Variants in TCF4 observed in about 807,000 individuals in gnomAD.
The protein encoded by TCF4 is SL3-3 enhancer factor 2.
A neutral mutation model predicts 82.1 loss-of-function variants in TCF4; 3 were observed. The observed-to-expected ratio is 0.04, with a 90% CI of 0.02 to 0.09. The LOEUF (loss-of-function observed/expected upper bound fraction) is 0.09, where lower values mean the gene tolerates loss of function less well. Among genes scored for constraint, TCF4 ranks in the 10% least tolerant of loss-of-function variants. TCF4 has a pLI of 1.00. For missense variants in TCF4, 518 were observed against 852.7 expected (o/e 0.61, Z 4.89); for synonymous variants, 276 against 309.6 (o/e 0.89, Z 1.14).
At chr18:55,296,964 C>A (rs1011533085) in intron 8 of TCF4, among the ~76,000 whole-genome samples, 1 of 152,082 alleles carries the variant, frequency 6.6e-6, no homozygotes, top group African/African-American at 2.4e-5. Context: ...ATTTTTCAAA[C>A]GTCATGGGCT....
At chr18:55,588,631 G>C, upstream of TCF4, 1 of 1,437,608 alleles carries the variant, frequency 7.0e-7, no homozygotes, top group South Asian at 1.4e-5. Context: ...TCCACACACG[G>C]CAAAGCAAGT....
intron 6 of TCF4, among the ~76,000 whole-genome samples, chr18:55,379,199 GTAGCATCT>G (rs944063351): frequency 6.6e-6 from 1 of 152,132 alleles, no homozygotes; most frequent in Non-Finnish European, 1.5e-5. Context: ...TCTTTAAAAG[GTAGCATCT>G]TAGCAGGGGT....
chr18:55,340,498 C>T (rs545229347), intron 8 of TCF4, among the ~76,000 whole-genome samples: 43 of 149,564 alleles, frequency 2.9e-4, no homozygotes, highest in African/African-American at 8.6e-4. Context: ...GTGGGAGGAC[C>T]GCTTGAGCCT....
chr18:55,413,953 G>A (rs185229357), intron 5 of TCF4, among the ~76,000 whole-genome samples: 1 of 152,288 alleles, frequency 6.6e-6, no homozygotes, highest in East Asian at 1.9e-4. Context: ...GGATGCAAGA[G>A]AGTCAACAAT....
intron 5 of TCF4, among the ~76,000 whole-genome samples, chr18:55,458,226 A>G (rs2095804646): frequency 6.6e-6 from 1 of 152,260 alleles, no homozygotes; most frequent in African/African-American, 2.4e-5. Context: ...CTGATGCTAT[A>G]GCTTTTACCC....
chr18:55,574,541 G>A (rs1184981285), intron 3 of TCF4, among the ~76,000 whole-genome samples: 2 of 152,130 alleles, frequency 1.3e-5, no homozygotes, highest in Non-Finnish European at 2.9e-5. Flanking sequence ...ATTAAATCAT[G>A]TTGGCCAGGC....
intron 9 of TCF4, among the ~76,000 whole-genome samples, chr18:55,276,064 C>G (rs1441056505): frequency 6.6e-6 from 1 of 152,112 alleles, no homozygotes. Flanking sequence ...TCTTAGAAGT[C>G]TTCTAACTGT....
intron 8 of TCF4, among the ~76,000 whole-genome samples, chr18:55,314,568 T>TAAA (rs35480166): frequency 6.9e-6 from 1 of 144,062 alleles, no homozygotes; most frequent in East Asian, 2.0e-4. Flanking sequence ...TTATTCTCCT[T>TAAA]AAAAAAAAAA....
intron 8 of TCF4, among the ~76,000 whole-genome samples, chr18:55,324,169 A>G (rs1351773863): frequency 1.3e-5 from 2 of 152,266 alleles, no homozygotes; most frequent in Non-Finnish European, 2.9e-5. Flanking sequence ...TAGAACATTA[A>G]GCTTCTGGGC....
intron 8 of TCF4, among the ~76,000 whole-genome samples, chr18:55,335,582 G>C (rs73960233): frequency 0.033 from 5,059 of 152,192 alleles, 281 homozygotes; most frequent in African/African-American, 0.12. Flanking sequence ...TACAGAACCG[G>C]TCAGCAAGTT....
In TCF4 at chr18:55,390,257, C is replaced by A. The variant is rs557645553; in HGVS notation, c.369+13197G>T. 4.2e-5 allele frequency among the ~76,000 whole-genome samples: 6 copies of A among 143,820 alleles called. No homozygotes were observed. The South Asian group carries it at 1.3e-3, about 31-fold the overall frequency. The allele number at this position is 143,820 out of a possible 152,430, so 94.4% of individuals were successfully genotyped here. Reference sequence around the variant, plus strand: ...ACTCTGGCCGGGAGTTCAAGACCAGCCTGGGCAACACAGCAGGACCCTGAC... The same window carrying A: ...ACTCTGGCCGGGAGTTCAAGACCAGACTGGGCAACACAGCAGGACCCTGAC... On this transcript the variant is annotated intron_variant, in intron 6 of 19. Coordinates refer to ENST00000354452, the MANE Select transcript of TCF4 (RefSeq NM_001083962.2).
At chr18:55,424,205 T>C (rs1727278466) in intron 5 of TCF4, among the ~76,000 whole-genome samples, 1 of 152,178 alleles carries the variant, frequency 6.6e-6, no homozygotes, top group Admixed American at 6.5e-5. Flanking sequence ...AATTAATTAA[T>C]TGGAAGTGGG....
At chr18:55,494,454 A>G (rs1000121528) in intron 3 of TCF4, among the ~76,000 whole-genome samples, 2 of 152,086 alleles carry the variant, frequency 1.3e-5, no homozygotes, top group Non-Finnish European at 2.9e-5. Flanking sequence ...AAATGGTTTC[A>G]GCCTTATTAA....
intron 3 of TCF4, among the ~76,000 whole-genome samples, chr18:55,577,193 T>C (rs1195265258): frequency 6.2e-5 from 2 of 32,448 alleles, no homozygotes; most frequent in African/African-American, 1.9e-4. Flanking sequence ...AATGTATATA[T>C]ACATTTATAT....
At chr18:55,362,438 A>AAG (rs2085706884) in intron 6 of TCF4, among the ~76,000 whole-genome samples, 1 of 124,606 alleles carries the variant, frequency 8.0e-6, no homozygotes, top group African/African-American at 3.5e-5. Flanking sequence ...AGGAAGGAAA[A>AAG]AAAAAAAGAA....
intron 3 of TCF4, among the ~76,000 whole-genome samples, chr18:55,540,670 T>C (rs1041979555): frequency 3.9e-5 from 6 of 151,998 alleles, no homozygotes; most frequent in African/African-American, 1.4e-4. Context: ...AGTTAACAAA[T>C]ATTAAGTCCC....
At chr18:55,294,442 T>C (rs1259073823) in intron 8 of TCF4, among the ~76,000 whole-genome samples, 1 of 152,110 alleles carries the variant, frequency 6.6e-6, no homozygotes, top group Non-Finnish European at 1.5e-5. Context: ...ACAGCCAAAG[T>C]AGAAGAGAAC....
chr18:55,452,449 G>A (rs2095643644), intron 5 of TCF4: 1 of 152,390 alleles, frequency 6.6e-6, no homozygotes, highest in Non-Finnish European at 1.5e-5. Context: ...CAATGGTCCA[G>A]GAGAAAGATC....
intron 3 of TCF4, among the ~76,000 whole-genome samples, chr18:55,561,282 A>G (rs2097353082): frequency 6.6e-6 from 1 of 152,194 alleles, no homozygotes; most frequent in African/African-American, 2.4e-5. Context: ...AGAACTTATC[A>G]TACAATAGGA....
Sources: gnomAD v4.1 joint callset for allele counts (sites outside exome capture counted in the v4.1 genomes callset) on GRCh38, gnomAD v4.1.1 for gene constraint, MANE v1.5 for transcripts, NCBI Gene and HGNC (gene_info 2026-07-23, HGNC 2026-07-21) for gene names.